RSRC1: variants seen among roughly 807,000 people sequenced by gnomAD.
The protein encoded by RSRC1 is arginine and serine rich coiled-coil 1.
A neutral mutation model predicts 49.1 loss-of-function variants in RSRC1; 39 were observed. That is an observed-to-expected ratio of 0.79 (90% CI 0.61 to 1.04). RSRC1 has a LOEUF of 1.04. RSRC1 is among the 50% of genes least tolerant of loss of function. The pLI is 0.00. For synonymous variants in RSRC1, 143 were observed against 130.8 expected (o/e 1.09, Z -0.63); for missense variants, 388 against 402.4 (o/e 0.96, Z 0.31).
intron 7 of RSRC1, among the ~76,000 whole-genome samples, chr3:158,536,381 G>A (rs1712713262): frequency 6.6e-6 from 1 of 151,306 alleles, no homozygotes; most frequent in Non-Finnish European, 1.5e-5. Context: ...GAAAGGCAGT[G>A]GACTGTAAGT....
chr3:158,385,780 A>G (rs1732936734), intron 6 of RSRC1, among the ~76,000 whole-genome samples: 1 of 152,186 alleles, frequency 6.6e-6, no homozygotes, highest in Admixed American at 6.6e-5. Context: ...TTTCATAGCC[A>G]TTATTCATTC....
At chr3:158,134,061 A>C (rs774984849) in intron 3 of RSRC1, among the ~76,000 whole-genome samples, 34 of 151,870 alleles carry the variant, frequency 2.2e-4, no homozygotes, top group Non-Finnish European at 4.3e-4. Flanking sequence ...TGAGAAAGAA[A>C]ATGGCCCTGG....
rs1013093597 is a variant in RSRC1 at position 158,238,090 on chromosome 3, A to C, written c.494+34845A>C. ...CACCAATAACAGACAAACAGAGAGC[A>C]AAATCATGAGTGAACTCCCATTCAC... On this transcript the variant is annotated intron_variant, in intron 4 of 9. Transcript: ENST00000611884. Among the ~76,000 whole-genome samples the C allele has an allele frequency of 1.1e-4, 16 of 152,278 alleles. No individual in the cohort carries two copies. The East Asian group carries it at 1.5e-3, about 15-fold the overall frequency.
At chr3:158,125,365 C>T (rs1026616257) in intron 3 of RSRC1, among the ~76,000 whole-genome samples, 1 of 151,948 alleles carries the variant, frequency 6.6e-6, no homozygotes, top group African/African-American at 2.4e-5. Flanking sequence ...CATGCTAAAA[C>T]TTTCCTTTCA....
Position 158,421,633 on chromosome 3 carries a change from G to A in RSRC1, c.584-39302G>A, listed in dbSNP as rs570929132. Reference sequence around the variant, plus strand: ...GAAATGATACAAACAGAAAAAATGGGCACCCAGAGAATTTGAGATAATAGA... The same window carrying A: ...GAAATGATACAAACAGAAAAAATGGACACCCAGAGAATTTGAGATAATAGA... On this transcript the variant is annotated intron_variant, in intron 6 of 9. Coordinates refer to ENST00000611884, the MANE Select transcript of RSRC1 (RefSeq NM_001271838.2). Among the ~76,000 whole-genome samples the A allele has an allele frequency of 2.6e-5, 4 of 151,786 alleles. No individual in the cohort carries two copies. In the South Asian group the frequency reaches 8.3e-4, roughly 32 times the overall value.
At position 158,545,536 on chromosome 3, in the gene RSRC1, T is replaced by C. The variant is rs1279413243; in HGVS notation, c.*1261T>C. On this transcript the variant is annotated 3_prime_UTR_variant, in exon 10 of 10. Coordinates refer to ENST00000611884, the MANE Select transcript of RSRC1 (RefSeq NM_001271838.2). The stretch of plus-strand genomic sequence containing the variant: ...ACTGCCAACATATAGGACATTTTAA[T>C]GCCATCTTCTTTATATTTCTGGGAC... 3 of 152,216 alleles carry C rather than the reference T, an allele frequency of 2.0e-5. No individual in the cohort carries two copies. Among genetic ancestry groups the C allele is most frequent in the African/African-American group, 7.2e-5 (3 of 41,448 alleles). 9.4% of individuals were successfully genotyped at this position (152,216 alleles called of 1,614,324 possible). A position where few individuals can be genotyped will look rare whatever the true frequency, so the allele number is the denominator to read the frequency against.
chr3:158,479,512 A>G (rs1483675325), intron 7 of RSRC1, among the ~76,000 whole-genome samples: 8 of 151,946 alleles, frequency 5.3e-5, no homozygotes, highest in Admixed American at 2.6e-4. Flanking sequence ...GTCAGTTTTC[A>G]AGACATCCAA....
chr3:158,422,398 C>T (rs1457677914), intron 6 of RSRC1, among the ~76,000 whole-genome samples: 14 of 151,924 alleles, frequency 9.2e-5, no homozygotes, highest in African/African-American at 2.7e-4. Flanking sequence ...CTACAAAGGA[C>T]GTGAACTCAT....
intron 6 of RSRC1, among the ~76,000 whole-genome samples, chr3:158,424,630 A>G (rs1298642503): frequency 6.6e-6 from 1 of 150,744 alleles, no homozygotes. Flanking sequence ...TTTTCTATTG[A>G]TTGGAATAGT....
At chr3:158,351,595 G>A (rs1422604318) in intron 5 of RSRC1, among the ~76,000 whole-genome samples, 2 of 151,916 alleles carry the variant, frequency 1.3e-5, no homozygotes. Flanking sequence ...TATTATTTTG[G>A]ACAATTTTTT....
chr3:158,189,720 C>T (rs1053559991), intron 3 of RSRC1, among the ~76,000 whole-genome samples: 2 of 151,732 alleles, frequency 1.3e-5, no homozygotes, highest in Non-Finnish European at 2.9e-5. Flanking sequence ...ATTATTTAGT[C>T]CATTTATATT....
At chr3:158,123,697 C>G (rs1315100276) in intron 2 of RSRC1, among the ~76,000 whole-genome samples, 169 bp from the exon 3 acceptor site, 2 of 152,160 alleles carry the variant, frequency 1.3e-5, no homozygotes, top group African/African-American at 4.8e-5. Context: ...AGTTATGAAC[C>G]AGTCATATGA....
intron 6 of RSRC1, among the ~76,000 whole-genome samples, chr3:158,420,178 A>T (rs765268649): frequency 6.6e-6 from 1 of 151,994 alleles, no homozygotes; most frequent in Non-Finnish European, 1.5e-5. Flanking sequence ...ACCTCAACAA[A>T]TGTTATCTCC....
At chr3:158,405,486 G>A (rs145497083) in intron 6 of RSRC1, among the ~76,000 whole-genome samples, 7 of 152,180 alleles carry the variant, frequency 4.6e-5, no homozygotes, top group Admixed American at 2.0e-4. Context: ...GTTCAAGGGT[G>A]CAGAATATTA....
At chr3:158,473,200 A>G (rs1019664207) in intron 7 of RSRC1, among the ~76,000 whole-genome samples, 2 of 152,206 alleles carry the variant, frequency 1.3e-5, no homozygotes, top group Admixed American at 1.3e-4. Context: ...GCTGCTATAA[A>G]GACACATGCA....
chr3:158,254,498 C>A (rs1382968441), intron 4 of RSRC1, among the ~76,000 whole-genome samples: 1 of 151,884 alleles, frequency 6.6e-6, no homozygotes, highest in Non-Finnish European at 1.5e-5. Context: ...GTGGTGCGAT[C>A]TCGGTGCACT....
At chr3:158,474,134 A>G (rs548492867) in intron 7 of RSRC1, among the ~76,000 whole-genome samples, 54 of 152,254 alleles carry the variant, frequency 3.5e-4, no homozygotes, top group African/African-American at 1.3e-3. Flanking sequence ...GTTAATGTGA[A>G]TTTGATAATG....
At chr3:158,217,751 A>G (rs1193045994) in intron 4 of RSRC1, among the ~76,000 whole-genome samples, 1 of 99,712 alleles carries the variant, frequency 1.0e-5, no homozygotes, top group Admixed American at 1.1e-4. Flanking sequence ...ATTATGGTCC[A>G]GTGTGTGTGT....
intron 3 of RSRC1, among the ~76,000 whole-genome samples, chr3:158,192,360 G>A (rs1035894925): frequency 6.6e-6 from 1 of 152,036 alleles, no homozygotes; most frequent in Admixed American, 6.6e-5. Flanking sequence ...TGAATTGCTC[G>A]TATGAAGATG....
Sources: allele counts gnomAD v4.1 joint callset (sites outside exome capture counted in the v4.1 genomes callset), GRCh38; gene constraint gnomAD v4.1.1; transcripts MANE v1.5; gene names NCBI Gene and HGNC (gene_info 2026-07-23, HGNC 2026-07-21).